The following TANGO2 variants were observed in gnomAD, a reference collection of about 807,000 sequenced individuals.
TANGO2 encodes the protein transport and Golgi organization protein 2 homolog.
TANGO2 carries 26 observed loss-of-function variants against 39.1 expected under a neutral mutation model. The observed-to-expected ratio is 0.67, with a 90% confidence interval of 0.49 to 0.92. The LOEUF is 0.92. TANGO2 is among the 40% of genes least tolerant of loss of function. The pLI is 0.00. For synonymous variants in TANGO2, 131 were observed against 144.5 expected (o/e 0.91, Z 0.67); for missense variants, 326 against 360.1 (o/e 0.91, Z 0.77).
chr22:20,036,887 G>A, intron 2 of TANGO2, 33 bp downstream of exon 2: 2 of 1,614,232 alleles, frequency 1.2e-6, no homozygotes, highest in Non-Finnish European at 1.7e-6. Context: ...GCTGCGCCCT[G>A]CAGGGTCCTG....
chr22:20,050,072 G>A (rs1014458575), intron 3 of TANGO2, among the ~76,000 whole-genome samples: 1 of 151,954 alleles, frequency 6.6e-6, no homozygotes, highest in African/African-American at 2.4e-5. Context: ...TTAGCTAGGT[G>A]TGGTGGTGGG....
At chr22:20,032,986 C>T (rs1479302718) in intron 1 of TANGO2, among the ~76,000 whole-genome samples, 2 of 152,074 alleles carry the variant, frequency 1.3e-5, no homozygotes, top group Non-Finnish European at 2.9e-5. Context: ...CTTGTAGGAC[C>T]TAGGGAACCT....
intron 1 of TANGO2, among the ~76,000 whole-genome samples, chr22:20,028,344 G>C (rs758528921): frequency 9.2e-5 from 14 of 152,134 alleles, no homozygotes; most frequent in Non-Finnish European, 2.1e-4. Flanking sequence ...TAAACTCCTG[G>C]CCTCAAACAA....
intron 2 of TANGO2, among the ~76,000 whole-genome samples, chr22:20,040,160 T>G (rs1241888013): frequency 6.6e-6 from 1 of 152,132 alleles, no homozygotes; most frequent in Non-Finnish European, 1.5e-5. Flanking sequence ...GAATTATGTA[T>G]TCAATGAAAT....
At chr22:20,017,197 CCTT>C (rs1423501470), upstream of TANGO2, 1 of 152,324 alleles carries the variant, frequency 6.6e-6, no homozygotes, top group African/African-American at 2.4e-5. Context: ...TCACAGGTAT[CCTT>C]CTTCAGCGCC....
At chr22:20,024,406 G>T (rs1044726831) in intron 1 of TANGO2, among the ~76,000 whole-genome samples, 1 of 152,172 alleles carries the variant, frequency 6.6e-6, no homozygotes, top group Non-Finnish European at 1.5e-5. Flanking sequence ...TACCTCCTCT[G>T]CTGACAGCCA....
chr22:20,051,604 C>A (rs1293763036), intron 3 of TANGO2, among the ~76,000 whole-genome samples: 1 of 152,164 alleles, frequency 6.6e-6, no homozygotes, highest in Non-Finnish European at 1.5e-5. Flanking sequence ...GTAATCCCAG[C>A]ACTTTGGGAG....
chr22:20,043,819 G>T (rs1298199285), intron 3 of TANGO2, among the ~76,000 whole-genome samples: 1 of 152,134 alleles, frequency 6.6e-6, no homozygotes, highest in African/African-American at 2.4e-5. Context: ...GTGTGTATGC[G>T]TGCGTGTGTG....
chr22:20,042,156 AT>A (rs695721), intron 2 of TANGO2, among the ~76,000 whole-genome samples: 2 of 149,744 alleles, frequency 1.3e-5, no homozygotes. Context: ...TAATTTTTGT[AT>A]TTTTTTTTTG....
rs924524698 is a variant in TANGO2, at chr22:20,057,212, G to T, written c.451+1199G>T. Among the ~76,000 whole-genome samples, 13 of 152,158 alleles carry T rather than the reference G, an allele frequency of 8.5e-5. No homozygotes were observed. Among genetic ancestry groups the T allele is most frequent in the Admixed American group, 8.5e-4 (13 of 15,272 alleles). Reference sequence around the variant, plus strand: ...GGCCCCATCCCACCTGCATCTTAGGGGGCTGGTGGTGCTGACGGGCTCATC... The same window carrying T: ...GGCCCCATCCCACCTGCATCTTAGGTGGCTGGTGGTGCTGACGGGCTCATC... On this transcript the variant is annotated intron_variant, in intron 6 of 8. Transcript: ENST00000327374. This position sits in a 1 kb window ranked among gnomAD's most constrained non-coding sequence, Gnocchi z 4.1.
chr22:20,025,837 G>T (rs1006967493), intron 1 of TANGO2, among the ~76,000 whole-genome samples: 3 of 152,184 alleles, frequency 2.0e-5, no homozygotes, highest in Admixed American at 6.5e-5. Context: ...GGTTTGGAAG[G>T]TTCTTTGAAT....
intron 1 of TANGO2, among the ~76,000 whole-genome samples, chr22:20,030,882 T>C (rs183165853): frequency 2.1e-4 from 32 of 152,266 alleles, no homozygotes; most frequent in Non-Finnish European, 4.4e-4. Flanking sequence ...GGCAACATAA[T>C]GAGACCCCAC....
At chr22:20,025,836 G>C (rs1219824776) in intron 1 of TANGO2, among the ~76,000 whole-genome samples, 14 of 152,206 alleles carry the variant, frequency 9.2e-5, no homozygotes, top group Admixed American at 9.2e-4. Context: ...GGGTTTGGAA[G>C]GTTCTTTGAA....
intron 1 of TANGO2, among the ~76,000 whole-genome samples, chr22:20,024,466 G>A (rs2518828): frequency 0.9 from 137,579 of 152,256 alleles, 62,855 homozygotes; most frequent in African/African-American, 0.98. Context: ...AGAGCAACTC[G>A]TGCTTTCAAG....
intron 3 of TANGO2, among the ~76,000 whole-genome samples, chr22:20,050,525 A>T (rs1300264436): frequency 6.6e-6 from 1 of 150,920 alleles, no homozygotes; most frequent in Non-Finnish European, 1.5e-5. Flanking sequence ...CACCATGCCC[A>T]GCTAATTTTT....
intron 1 of TANGO2, among the ~76,000 whole-genome samples, chr22:20,036,142 AC>A (rs1371694550): frequency 2.6e-5 from 4 of 152,192 alleles, no homozygotes; most frequent in Admixed American, 1.3e-4. Flanking sequence ...GTGGGCTGCA[AC>A]AAAATACAGC....
intron 3 of TANGO2, among the ~76,000 whole-genome samples, chr22:20,051,591 C>T (rs2046354532): frequency 6.6e-6 from 1 of 152,188 alleles, no homozygotes; most frequent in African/African-American, 2.4e-5. Flanking sequence ...GTGGCTCACT[C>T]CTGTAATCCC....
intron 3 of TANGO2, among the ~76,000 whole-genome samples, chr22:20,050,369 T>G (rs900822886): frequency 4.2e-5 from 6 of 143,412 alleles, no homozygotes; most frequent in African/African-American, 1.3e-4. Flanking sequence ...TTTTTTTTTT[T>G]TTTTTTTTTT....
At chr22:20,018,641 C>T (rs1430200533), upstream of TANGO2, among the ~76,000 whole-genome samples, 4 of 152,230 alleles carry the variant, frequency 2.6e-5, no homozygotes, top group Non-Finnish European at 5.9e-5. Flanking sequence ...ACCCCTACCA[C>T]CCATAGGGTT....
Sources: allele counts gnomAD v4.1 joint callset (sites outside exome capture counted in the v4.1 genomes callset), GRCh38; gene constraint gnomAD v4.1.1; non-coding constraint Gnocchi (gnomAD v3.1); transcripts MANE v1.5; gene names NCBI Gene and HGNC (gene_info 2026-07-23, HGNC 2026-07-21).